SLCO2B1: variants seen among roughly 807,000 people sequenced by gnomAD.
SLCO2B1 encodes the protein OATP-RP2.
In SLCO2B1, 41 loss-of-function variants were observed where a neutral mutation model predicts 67.3. The ratio of observed to expected loss-of-function variants is 0.61; its 90% CI spans 0.47 to 0.79. The LOEUF (loss-of-function observed/expected upper bound fraction) is 0.79. Ranked by LOEUF, SLCO2B1 falls within the 30% of genes least tolerant of loss-of-function variation. SLCO2B1 has a pLI of 0.00. For missense variants in SLCO2B1, 837 were observed against 920.1 expected, an observed-to-expected ratio of 0.91 and a Z score of 1.17; for synonymous variants, 379 against 381.4, an observed-to-expected ratio of 0.99 and a Z score of 0.07.
At chr11:75,156,087 G>T (rs1047711810) in intron 1 of SLCO2B1, among the ~76,000 whole-genome samples, 4 of 152,112 alleles carry the variant, frequency 2.6e-5, no homozygotes, top group African/African-American at 9.7e-5. Context: ...TAAAAACACT[G>T]GGAGATAGAC....
chr11:75,180,581 TGTGA>T (rs1474461256), intron 7 of SLCO2B1, among the ~76,000 whole-genome samples: 1 of 152,252 alleles, frequency 6.6e-6, no homozygotes, highest in Non-Finnish European at 1.5e-5. Context: ...CACATTCAGG[TGTGA>T]GATGATATCC....
intron 1 of SLCO2B1, among the ~76,000 whole-genome samples, chr11:75,160,460 C>G (rs1221466565): frequency 6.6e-6 from 1 of 152,212 alleles, no homozygotes; most frequent in Non-Finnish European, 1.5e-5. Flanking sequence ...GCACAGAAAG[C>G]CTGTGGCATG....
chr11:75,169,082 T>A (rs1036980741), intron 4 of SLCO2B1, 91 bp from the exon 5 acceptor site: 1 of 1,044,080 alleles, frequency 9.6e-7, no homozygotes. Flanking sequence ...ATTATTTTTA[T>A]ACACAGCACT....
rs753047548 is a variant in SLCO2B1 at position 75,204,520 on chromosome 11, C to T, written c.2070C>T (p.Ala690=). The T allele has an allele frequency of 2.0e-5, 33 of 1,613,024 alleles. No homozygotes were observed. The highest frequency in any genetic ancestry group is 2.2e-5 in the Non-Finnish European group (26 of 1,179,566). Residue 690 remains alanine (A), a synonymous_variant, in exon 14 of 14, where the codon GCC becomes GCT. Coordinates refer to ENST00000289575, the MANE Select transcript of SLCO2B1 (RefSeq NM_007256.5). ...CCAAAGAGAGCAGATCCAGCCCTGCCGTAGAGCAGCAATTGCTAGTGTCGG... is the reference window on the plus strand; with the variant it reads ...CCAAAGAGAGCAGATCCAGCCCTGCTGTAGAGCAGCAATTGCTAGTGTCGG... ...ARTKESRSSP[A]VEQQLLVSGP...
At chr11:75,187,630 G>A (rs968037677) in intron 7 of SLCO2B1, among the ~76,000 whole-genome samples, 1 of 152,188 alleles carries the variant, frequency 6.6e-6, no homozygotes, top group Non-Finnish European at 1.5e-5. Context: ...CATCATGGTG[G>A]TAGTGATTCT....
At chr11:75,204,084 C>T (rs1018624563) in intron 13 of SLCO2B1, 7 of 220,936 alleles carry the variant, frequency 3.2e-5, no homozygotes, top group Admixed American at 5.7e-5. Context: ...AGAGGGAATC[C>T]GTTTGTTCTT....
intron 1 of SLCO2B1, among the ~76,000 whole-genome samples, chr11:75,156,605 A>G (rs910165346): frequency 2.0e-5 from 3 of 152,178 alleles, no homozygotes; most frequent in Non-Finnish European, 4.4e-5. Flanking sequence ...GTCTGGATCC[A>G]GACCCCAAGA....
At chr11:75,203,459 G>A (rs1565553515) in intron 13 of SLCO2B1, 32 bp downstream of exon 13, 1 of 1,612,792 alleles carries the variant, frequency 6.2e-7, no homozygotes. Flanking sequence ...TGTGGGAAGG[G>A]TGCTGGAAAT....
chr11:75,203,089 G>A, intron 12 of SLCO2B1, 124 bp downstream of exon 12: 1 of 1,163,506 alleles, frequency 8.6e-7, no homozygotes, highest in South Asian at 1.2e-5. Context: ...AAGCTCATGG[G>A]GTGACAGACC....
chr11:75,183,420 A>T (rs950909691), intron 7 of SLCO2B1, among the ~76,000 whole-genome samples: 1 of 152,196 alleles, frequency 6.6e-6, no homozygotes, highest in African/African-American at 2.4e-5. Context: ...CCAAAAAAAT[A>T]AGACATGGTA....
At chr11:75,166,052 A>G in intron 4 of SLCO2B1, 103 bp downstream of exon 4, 2 of 1,358,708 alleles carry the variant, frequency 1.5e-6, no homozygotes, top group Non-Finnish European at 2.0e-6. Flanking sequence ...ACACCCCAAA[A>G]CCTCAACACC....
chr11:75,177,146 C>T (rs754479982), intron 7 of SLCO2B1, among the ~76,000 whole-genome samples: 5 of 151,996 alleles, frequency 3.3e-5, no homozygotes, highest in African/African-American at 7.2e-5. Flanking sequence ...GGGGCATCAC[C>T]GAGCAGGGCT....
In SLCO2B1 at chr11:75,169,240, C is replaced by T; in HGVS notation, c.516C>T (p.Pro172=). The T allele has an allele frequency of 6.2e-7, 1 of 1,614,222 alleles. No homozygotes were observed. The highest frequency in any genetic ancestry group is 1.3e-5 in the African/African-American group (1 of 75,070). ...LPTTSAPASA[P]SNGNCSSYTE... is the part of the protein sequence containing the mutation. ...CAACCTCGGCCCCAGCCTCGGCCCC[C>T]TCCAATGGCAACTGCTCAAGCTACA... The change falls in exon 5 of 14, where the codon CCC becomes CCT. Residue 172 remains proline (P), a synonymous_variant. Transcript: ENST00000289575.
intron 1 of SLCO2B1, among the ~76,000 whole-genome samples, chr11:75,156,444 A>G (rs1210395349): frequency 6.6e-6 from 1 of 152,036 alleles, no homozygotes; most frequent in Non-Finnish European, 1.5e-5. Context: ...AGGGAACCCC[A>G]AGCAACTTTA....
At chr11:75,190,625 C>T (rs1188832964) in intron 8 of SLCO2B1, among the ~76,000 whole-genome samples, 2 of 152,146 alleles carry the variant, frequency 1.3e-5, no homozygotes, top group African/African-American at 4.8e-5. Context: ...ATGGAGAAGG[C>T]CCCTGTCTGA....
intron 3 of SLCO2B1, among the ~76,000 whole-genome samples, chr11:75,165,513 T>G (rs960965314): frequency 6.6e-6 from 1 of 152,210 alleles, no homozygotes; most frequent in Non-Finnish European, 1.5e-5. Context: ...CCCCTTCATT[T>G]GATGGCCCAT....
intron 11 of SLCO2B1, chr11:75,200,747 G>T (rs929212160): frequency 3.2e-5 from 6 of 186,618 alleles, no homozygotes; most frequent in Admixed American, 1.2e-4. Flanking sequence ...CATAATACCT[G>T]CAATGGATGA....
At chr11:75,198,683 G>A (rs1459416855) in intron 10 of SLCO2B1, among the ~76,000 whole-genome samples, 3 of 152,192 alleles carry the variant, frequency 2.0e-5, no homozygotes, top group Non-Finnish European at 4.4e-5. Flanking sequence ...AGCACTCAGG[G>A]ACTGTTGTCA....
chr11:75,167,229 C>T (rs756582531), intron 4 of SLCO2B1, among the ~76,000 whole-genome samples: 6 of 152,084 alleles, frequency 3.9e-5, no homozygotes, highest in Non-Finnish European at 8.8e-5. Flanking sequence ...GAAAACTCAG[C>T]GCGTGCATGA....
Sources: gnomAD v4.1 joint callset for allele counts (sites outside exome capture counted in the v4.1 genomes callset) on GRCh38, gnomAD v4.1.1 for gene constraint, MANE v1.5 for transcripts, NCBI Gene and HGNC (gene_info 2026-07-23, HGNC 2026-07-21) for gene names.